The following STAT3 variants were observed in gnomAD, a reference collection of about 807,000 sequenced individuals.
STAT3 encodes signal transducer and activator of transcription 3, also known as DNA-binding protein APRF.
In STAT3, 7 loss-of-function variants were observed where a neutral mutation model predicts 114.3. The ratio of observed to expected loss-of-function variants is 0.06; its 90% CI spans 0.03 to 0.11. The LOEUF (loss-of-function observed/expected upper bound fraction) is 0.11, where lower values mean the gene tolerates loss of function less well. Among genes scored for constraint, STAT3 ranks in the 10% least tolerant of loss-of-function variants. The pLI is 1.00. For missense variants in STAT3, 364 were observed against 960.9 expected, an observed-to-expected ratio of 0.38 and a Z score of 8.21; for synonymous variants, 331 against 354.5, an observed-to-expected ratio of 0.93 and a Z score of 0.74.
chr17:42,332,235 T>G (rs2082048042), intron 10 of STAT3, among the ~76,000 whole-genome samples: 1 of 148,218 alleles, frequency 6.7e-6, no homozygotes, highest in South Asian at 2.3e-4. Context: ...CCCCTATCTC[T>G]CTCTTTAAAA....
chr17:42,316,118 G>A (rs2081238464), intron 23 of STAT3: 2 of 1,300,718 alleles, frequency 1.5e-6, no homozygotes, highest in South Asian at 3.5e-5. Flanking sequence ...TGGCCACCAA[G>A]CATTTGAGAT....
chr17:42,350,699 A>G (rs2082904954), intron 1 of STAT3, among the ~76,000 whole-genome samples: 1 of 152,178 alleles, frequency 6.6e-6, no homozygotes, highest in African/African-American at 2.4e-5. Flanking sequence ...TGGAGCTCTC[A>G]AGCATATATT....
chr17:42,313,379 C>CAAAAAAAAAAAAAAAAAAAAAAAAAAAA lies in STAT3; in HGVS notation c.*2365_*2366insTTTTTTTTTTTTTTTTTTTTTTTTTTTT, dbSNP rs397857989. ...AGTTAAAGTAGATACAGCAATATAC[C>CAAAAAAAAAAAAAAAAAAAAAAAAAAAA]AAAAAAAAAAAAAAAAAAAAAAGAC... is the stretch of plus-strand genomic sequence containing the variant. On this transcript the variant is annotated 3_prime_UTR_variant, in exon 24 of 24. Transcript: ENST00000264657. 1 of 83,024 alleles carries CAAAAAAAAAAAAAAAAAAAAAAAAAAAA rather than the reference C, an allele frequency of 1.2e-5. No individual in the cohort carries two copies. Among genetic ancestry groups the CAAAAAAAAAAAAAAAAAAAAAAAAAAAA allele is most frequent in the African/African-American group, 6.2e-5 (1 of 16,104 alleles). 5.1% of individuals were successfully genotyped at this position (83,024 alleles called of 1,614,324 possible).
At chr17:42,356,665 G>A (rs929615254) in intron 1 of STAT3, among the ~76,000 whole-genome samples, 5 of 151,862 alleles carry the variant, frequency 3.3e-5, no homozygotes, top group Admixed American at 2.0e-4. Flanking sequence ...TTCAAATAGA[G>A]ACCAGCTGCC....
chr17:42,375,817 G>A (rs1464072024), intron 1 of STAT3, among the ~76,000 whole-genome samples: 4 of 140,668 alleles, frequency 2.8e-5, no homozygotes, highest in Non-Finnish European at 6.2e-5. Context: ...CAACAAGAGC[G>A]AAACTCCATC....
intron 8 of STAT3, among the ~76,000 whole-genome samples, chr17:42,335,650 G>A (rs926075324): frequency 6.6e-6 from 1 of 152,194 alleles, no homozygotes; most frequent in African/African-American, 2.4e-5. Context: ...AGGTGCAGTG[G>A]CTGACACCTG....
chr17:42,342,302 G>A (rs780383363), intron 4 of STAT3, among the ~76,000 whole-genome samples: 1 of 152,110 alleles, frequency 6.6e-6, no homozygotes, highest in Non-Finnish European at 1.5e-5. Context: ...GGCCAATATG[G>A]TGAAACCCTA....
At chr17:42,360,131 G>C (rs1187502792) in intron 1 of STAT3, among the ~76,000 whole-genome samples, 1 of 151,594 alleles carries the variant, frequency 6.6e-6, no homozygotes, top group African/African-American at 2.4e-5. Context: ...TAAAGGCATG[G>C]AGCTGGAATC....
chr17:42,328,691 C>T (rs763260192), intron 14 of STAT3, among the ~76,000 whole-genome samples: 11 of 152,170 alleles, frequency 7.2e-5, no homozygotes, highest in South Asian at 2.1e-4. Flanking sequence ...TGAGCCAGCA[C>T]GCCCAGCTAG....
rs17887094 is a variant in STAT3, at chr17:42,358,252, C to T, written c.-23-9713G>A. Among the ~76,000 whole-genome samples, 1,364 of 152,042 alleles carry T rather than the reference C, an allele frequency of 9.0e-3. 27 individuals carry two copies. Among genetic ancestry groups the T allele is most frequent in the African/African-American group, 0.031 (1,284 of 41,478 alleles). On this transcript the variant is annotated intron_variant, in intron 1 of 23. Coordinates refer to ENST00000264657, the MANE Select transcript of STAT3 (RefSeq NM_139276.3). Reference sequence around the variant, plus strand: ...GCAACACCGTGAGACCTTGCCTCTACAAAAAAATTTTTTTAAAATTAGCCT... The same window carrying T: ...GCAACACCGTGAGACCTTGCCTCTATAAAAAAATTTTTTTAAAATTAGCCT...
rs1394077427 is a variant in STAT3 at position 42,324,698 on chromosome 17, G to T, written c.1600+13C>A. The stretch of plus-strand genomic sequence containing the variant: ...GGCGGGTGGGCGGGAGGGAGAAGGG[G>T]TGAAATGCGGACCCAAGAGTTTCTC... On this transcript the variant is annotated intron_variant, in intron 17 of 23. Transcript: ENST00000264657. This position sits in a 1 kb window ranked among gnomAD's most constrained non-coding sequence, Gnocchi z 4.5. The T allele has an allele frequency of 6.2e-7, 1 of 1,602,324 alleles. No individual in the cohort carries two copies. Among genetic ancestry groups the T allele is most frequent in the Admixed American group, 1.7e-5 (1 of 58,072 alleles).
intron 12 of STAT3, 49 bp from the exon 13 acceptor site, chr17:42,329,696 G>A (rs1360791806): frequency 1.9e-6 from 3 of 1,613,960 alleles, no homozygotes; most frequent in African/African-American, 1.3e-5. Context: ...AGTAGCCGGA[G>A]GATGAAGTTA....
intron 1 of STAT3, among the ~76,000 whole-genome samples, chr17:42,372,430 T>A (rs182294332): frequency 3.9e-5 from 6 of 152,200 alleles, no homozygotes; most frequent in African/African-American, 1.2e-4. Context: ...GAAATGCATA[T>A]CATTTACTGA....
chr17:42,352,492 G>GC, intron 1 of STAT3, among the ~76,000 whole-genome samples: 1 of 152,008 alleles, frequency 6.6e-6, no homozygotes, highest in East Asian at 1.9e-4. Flanking sequence ...TGTAACCATG[G>GC]CATGTATTGA....
At chr17:42,381,321 C>T (rs1198007724) in intron 1 of STAT3, among the ~76,000 whole-genome samples, 1 of 152,182 alleles carries the variant, frequency 6.6e-6, no homozygotes. Context: ...TGAGCAAGGT[C>T]ATTTATTCTT....
At chr17:42,353,762 C>A (rs977085831) in intron 1 of STAT3, among the ~76,000 whole-genome samples, 2 of 152,092 alleles carry the variant, frequency 1.3e-5, no homozygotes, top group Non-Finnish European at 2.9e-5. Context: ...TTTGTAGAGA[C>A]AAGGTCTCAT....
intron 2 of STAT3, among the ~76,000 whole-genome samples, chr17:42,348,020 A>G (rs2082774624): frequency 6.6e-6 from 1 of 152,246 alleles, no homozygotes; most frequent in Admixed American, 6.6e-5. Context: ...AAGGGGAATT[A>G]CAAGTATCAA....
chr17:42,344,025 A>G (rs188294408), intron 4 of STAT3, among the ~76,000 whole-genome samples: 55 of 152,306 alleles, frequency 3.6e-4, no homozygotes, highest in African/African-American at 1.3e-3. Flanking sequence ...ATCAATGGTA[A>G]AAGACATCCT....
chr17:42,372,218 T>A (rs926268717), intron 1 of STAT3, among the ~76,000 whole-genome samples: 1 of 152,194 alleles, frequency 6.6e-6, no homozygotes, highest in Non-Finnish European at 1.5e-5. Context: ...CTCCTTGATA[T>A]TTATCCAGAG....
Sources: allele counts gnomAD v4.1 joint callset (sites outside exome capture counted in the v4.1 genomes callset), GRCh38; gene constraint gnomAD v4.1.1; non-coding constraint Gnocchi (gnomAD v3.1); transcripts MANE v1.5; gene names NCBI Gene and HGNC (gene_info 2026-07-23, HGNC 2026-07-21).